Variants in GRAP observed in about 807,000 individuals in gnomAD.
GRAP encodes the protein GRB2-related adapter protein.
In GRAP, 2 loss-of-function variants were observed where a neutral mutation model predicts 9.1. That is an observed-to-expected ratio of 0.22 (90% CI 0.09 to 0.69). The LOEUF (loss-of-function observed/expected upper bound fraction) is 0.69, where lower values mean the gene tolerates loss of function less well. GRAP is among the 30% of genes least tolerant of loss of function. The pLI is 0.81. For missense variants in GRAP, 113 were observed against 179.4 expected (o/e 0.63, Z 2.12); for synonymous variants, 68 against 73.6 (o/e 0.92, Z 0.39).
At chr17:19,032,577 T>TG (rs1334248898) in intron 3 of GRAP, 1 of 30,300 alleles carries the variant, frequency 3.3e-5, no homozygotes, top group African/African-American at 7.4e-5. Context: ...GGCGCTAACT[T>TG]GGAGAGTGAG....
At chr17:19,022,336 G>C (rs2044277973) in intron 4 of GRAP, 192 bp from the exon 5 acceptor site, 1 of 452,270 alleles carries the variant, frequency 2.2e-6, no homozygotes, top group African/African-American at 2.0e-5. Flanking sequence ...CTGCCTGTCT[G>C]CTGTGCAGAT....
Position 19,024,719 on chromosome 17 carries a change from C to A in GRAP, c.300-336G>T, listed in dbSNP as rs1169263073. ...TTATGGATAAGTGCACAGTGACTGG[C>A]ATATTGGCAACGTGAAATGGGTACC... On this transcript the variant is annotated intron_variant, in intron 3 of 4. Coordinates refer to ENST00000284154, the MANE Select transcript of GRAP (RefSeq NM_006613.4). This position sits in a 1 kb window ranked among gnomAD's most constrained non-coding sequence, Gnocchi z 4.2. Among the ~76,000 whole-genome samples, 1 of 152,180 alleles carries A rather than the reference C, an allele frequency of 6.6e-6. No individual in the cohort carries two copies. Among genetic ancestry groups the A allele is most frequent in the Non-Finnish European group, 1.5e-5 (1 of 68,032 alleles).
In GRAP at chr17:19,021,184, T is replaced by C. The variant is rs936487761; in HGVS notation, c.*775A>G. 1 of 152,276 alleles carries C rather than the reference T, an allele frequency of 6.6e-6. No homozygotes were observed. The highest frequency in any genetic ancestry group is 2.4e-5 in the African/African-American group (1 of 41,452). The allele number at this position is 152,276 out of a possible 1,614,324, so 9.4% of individuals were successfully genotyped here. On this transcript the variant is annotated 3_prime_UTR_variant, in exon 5 of 5. Coordinates refer to ENST00000284154, the MANE Select transcript of GRAP (RefSeq NM_006613.4). The surrounding 1 kb of genome is among the most constrained non-coding windows in gnomAD (Gnocchi z 4.1). The stretch of plus-strand genomic sequence containing the variant: ...GGAGGTTTCTCAGCCTCCTGAGAGC[T>C]CTGCTGGGCCCCGGTCTGGGCAGAA...
rs1450539950 is a variant in GRAP at position 19,022,402 on chromosome 17, G to A, written c.469-258C>T. ...GCCGCCCAGCTGGGACAATAGGGCT[G>A]GTGGGTCAGGGGACCTGAGTCCTGG... is the stretch of plus-strand genomic sequence containing the variant. On this transcript the variant is annotated intron_variant, in intron 4 of 4. Transcript: ENST00000284154. The A allele has an allele frequency of 1.8e-5, 7 of 380,212 alleles. No individual in the cohort carries two copies. In the East Asian group the frequency reaches 2.7e-4, roughly 15 times the overall value. 23.6% of individuals were successfully genotyped at this position (380,212 alleles called of 1,614,324 possible).
In GRAP at chr17:19,024,640, G is replaced by A. The variant is rs1202598545; in HGVS notation, c.300-257C>T. The A allele has an allele frequency of 1.2e-5, 2 of 168,442 alleles. No homozygotes were observed. Among genetic ancestry groups the A allele is most frequent in the East Asian group, 1.9e-4 (1 of 5,282 alleles). 10.4% of individuals were successfully genotyped at this position (168,442 alleles called of 1,614,324 possible). A position where few individuals can be genotyped will look rare whatever the true frequency, so the allele number is the denominator to read the frequency against. On this transcript the variant is annotated intron_variant, in intron 3 of 4. Transcript: ENST00000284154. This position sits in a 1 kb window ranked among gnomAD's most constrained non-coding sequence, Gnocchi z 4.2. ...CCACTTTCTCACTGTGTGACCTCATGCAAGTCTCTCAACTTCTCTGAACCT... is the reference window on the plus strand; with the variant it reads ...CCACTTTCTCACTGTGTGACCTCATACAAGTCTCTCAACTTCTCTGAACCT...
chr17:19,020,660 A>G lies in GRAP; in HGVS notation c.*1299T>C, dbSNP rs2044249613. ...ACAGCACCAAAGCAGTCAGCATTGG[A>G]AGGAAAATTAGATTTCTGACGGACA... On this transcript the variant is annotated 3_prime_UTR_variant, in exon 5 of 5. Coordinates refer to ENST00000284154, the MANE Select transcript of GRAP (RefSeq NM_006613.4). 1.8e-6 allele frequency: 1 copy of G among 567,814 alleles called. No individual in the cohort carries two copies. The highest frequency in any genetic ancestry group is 3.2e-6 in the Non-Finnish European group (1 of 317,188). 35.2% of individuals were successfully genotyped at this position (567,814 alleles called of 1,614,324 possible).
At chr17:19,048,159 CAAA>C (rs1172041782), upstream of GRAP, among the ~76,000 whole-genome samples, 2 of 109,040 alleles carry the variant, frequency 1.8e-5, no homozygotes, top group Non-Finnish European at 2.0e-5. Flanking sequence ...GTCTCCTTCT[CAAA>C]AAAAAAAAAA....
Position 19,022,108 on chromosome 17 carries a change from A to G in GRAP, c.505T>C (p.Phe169Leu), listed in dbSNP as rs772134595. The G allele has an allele frequency of 6.4e-7, 1 of 1,564,056 alleles. No individual in the cohort carries two copies. Among genetic ancestry groups the G allele is most frequent in the Non-Finnish European group, 8.7e-7 (1 of 1,155,836 alleles). ...AGCTGCGAGGGGTCCTGGGCTGAGA[A>G]GTCAAACTGGGCCTGGGCAAAGCAG... The part of the protein sequence containing the change: ...GACFAQAQFD[F>L]SAQDPSQLSF... Residue 169 changes from phenylalanine (F) to leucine (L), a missense_variant, in exon 5 of 5, where the codon TTC (phenylalanine) becomes CTC (leucine). Around this residue, in one of 2 missense-constraint regions of GRAP, gnomAD observed 113 missense variants for 163.3 expected, o/e 0.69. Coordinates refer to ENST00000284154, the MANE Select transcript of GRAP (RefSeq NM_006613.4).
rs957663914 is a variant in GRAP at position 19,022,088 on chromosome 17, C to T, written c.525G>A (p.Ser175=). 3.8e-6 allele frequency: 6 copies of T among 1,587,292 alleles called. No individual in the cohort carries two copies. The Admixed American group carries it at 8.9e-5, about 23-fold the overall frequency. The change falls in exon 5 of 5, where the codon TCG becomes TCA. Residue 175 remains serine, a synonymous_variant. Coordinates refer to ENST00000284154, the MANE Select transcript of GRAP (RefSeq NM_006613.4). ...AQFDFSAQDP[S]QLSFRRGDII... is the part of the protein sequence containing the mutation. Reference sequence around the variant, plus strand: ...TGTCGCCACGGCGGAAGCTGAGCTGCGAGGGGTCCTGGGCTGAGAAGTCAA... The same window carrying T: ...TGTCGCCACGGCGGAAGCTGAGCTGTGAGGGGTCCTGGGCTGAGAAGTCAA...
rs1161958876 is a variant in GRAP at position 19,021,903 on chromosome 17, C to T, written c.*56G>A. 2 of 1,436,524 alleles carry T rather than the reference C, an allele frequency of 1.4e-6. No individual in the cohort carries two copies. Among genetic ancestry groups the T allele is most frequent in the Non-Finnish European group, 1.8e-6 (2 of 1,093,650 alleles). The allele number at this position is 1,436,524 out of a possible 1,614,324, so 89.0% of individuals were successfully genotyped here. A position where few individuals can be genotyped will look rare whatever the true frequency, so the allele number is the denominator to read the frequency against. Reference sequence around the variant, plus strand: ...ACAGAGCTGGGGGTGTCCATGTCCTCTCTGGACCTCAGTTCCTGTAAAAAG... The same window carrying T: ...ACAGAGCTGGGGGTGTCCATGTCCTTTCTGGACCTCAGTTCCTGTAAAAAG... On this transcript the variant is annotated 3_prime_UTR_variant, in exon 5 of 5. Coordinates refer to ENST00000284154, the MANE Select transcript of GRAP (RefSeq NM_006613.4). The surrounding 1 kb of genome is among the most constrained non-coding windows in gnomAD (Gnocchi z 4.1).
At chr17:19,027,960 C>T (rs2044322615) in intron 3 of GRAP, among the ~76,000 whole-genome samples, 1 of 145,088 alleles carries the variant, frequency 6.9e-6, no homozygotes, top group African/African-American at 2.5e-5. Context: ...CGGTTCACTG[C>T]AGCCTCCGCC....
At chr17:19,048,604 A>C (rs1278286109), upstream of GRAP, among the ~76,000 whole-genome samples, 25 of 69,146 alleles carry the variant, frequency 3.6e-4, no homozygotes, top group Non-Finnish European at 5.4e-4. Context: ...ACATGGACCC[A>C]TCATTCTATG....
rs760877929 is a variant in GRAP at position 19,022,162 on chromosome 17, G to A, written c.469-18C>T. ...CCAGGTGACTGCAAGAAGAGGAGGT[G>A]GTTAGTAGGGTGCCTTCAGAAGCCC... is the stretch of plus-strand genomic sequence containing the variant. On this transcript the variant is annotated intron_variant, in intron 4 of 4. Coordinates refer to ENST00000284154, the MANE Select transcript of GRAP (RefSeq NM_006613.4). The A allele has an allele frequency of 8.0e-6, 11 of 1,382,474 alleles. No individual in the cohort carries two copies. The highest frequency in any genetic ancestry group is 4.8e-6 in the Non-Finnish European group (5 of 1,044,104). 85.6% of individuals were successfully genotyped at this position (1,382,474 alleles called of 1,614,324 possible).
At chr17:19,048,736 CAA>C (rs564931893), upstream of GRAP, among the ~76,000 whole-genome samples, 3 of 43,314 alleles carry the variant, frequency 6.9e-5, no homozygotes, top group African/African-American at 8.4e-5. Context: ...GACTCCATCT[CAA>C]AAAAAAAAAA....
chr17:19,027,446 A>G (rs1191942851), intron 3 of GRAP, among the ~76,000 whole-genome samples: 1 of 142,840 alleles, frequency 7.0e-6, no homozygotes, highest in Non-Finnish European at 1.5e-5. Context: ...AGTCCAAAGC[A>G]CTTGATGCCT....
intron 3 of GRAP, among the ~76,000 whole-genome samples, chr17:19,027,478 GCGCGCGCA>G (rs1485571716): frequency 9.8e-4 from 79 of 80,664 alleles, no homozygotes; most frequent in African/African-American, 1.8e-3. Flanking sequence ...ATGCGCGCGC[GCGCGCGCA>G]CACACACACA....
chr17:19,048,383 T>C (rs2044384711), upstream of GRAP, among the ~76,000 whole-genome samples: 1 of 105,080 alleles, frequency 9.5e-6, no homozygotes, highest in Non-Finnish European at 1.7e-5. Context: ...AGCCCTGTGG[T>C]GTTGCATGGA....
intron 3 of GRAP, among the ~76,000 whole-genome samples, chr17:19,027,521 CACA>C (rs2044318988): frequency 6.7e-6 from 1 of 148,194 alleles, no homozygotes; most frequent in African/African-American, 2.5e-5. Context: ...CACACACACA[CACA>C]CCCCTACCTC....
At chr17:19,023,633 C>A (rs1212650386) in intron 4 of GRAP, among the ~76,000 whole-genome samples, 1 of 126,584 alleles carries the variant, frequency 7.9e-6, no homozygotes. Context: ...TGACCCCGAC[C>A]CCCCACCCCC....
Sources: gnomAD v4.1 joint callset for allele counts (sites outside exome capture counted in the v4.1 genomes callset) on GRCh38, gnomAD v4.1.1 for gene constraint, gnomAD v4.1.1 regional missense constraint, Gnocchi (gnomAD v3.1) non-coding constraint, MANE v1.5 for transcripts, NCBI Gene and HGNC (gene_info 2026-07-23, HGNC 2026-07-21) for gene names.